FRMD4B: variants seen among roughly 807,000 people sequenced by gnomAD.
FRMD4B encodes FERM domain-containing protein 4B.
FRMD4B carries 74 observed loss-of-function variants against 141.5 expected under a neutral mutation model. That is an observed-to-expected ratio of 0.52 (90% confidence interval 0.43 to 0.63). The LOEUF (loss-of-function observed/expected upper bound fraction) is 0.63. Among genes scored for constraint, FRMD4B ranks in the 30% least tolerant of loss-of-function variants. The pLI, the probability that FRMD4B is intolerant of heterozygous loss-of-function variation, is 0.00. For missense variants in FRMD4B, 1,366 were observed against 1,253.4 expected (o/e 1.09, Z -1.36); for synonymous variants, 506 against 467.9 (o/e 1.08, Z -1.05).
At position 69,225,362 on chromosome 3, in the gene FRMD4B, G is replaced by A. The variant is rs546520036; in HGVS notation, c.582-672C>T. On this transcript the variant is annotated intron_variant, in intron 7 of 22. Coordinates refer to ENST00000398540, the MANE Select transcript of FRMD4B (RefSeq NM_015123.3). ...ATTCTAGTTGTCAAGAGAAAGTTGT[G>A]GTCTTTACAGAACTTTAAAAAAGGG... 2.0e-5 allele frequency among the ~76,000 whole-genome samples: 3 copies of A among 151,850 alleles called. No individual in the cohort carries two copies. In the East Asian group the frequency reaches 5.8e-4, roughly 29 times the overall value.
In FRMD4B at chr3:69,268,087, G is replaced by C. The variant is rs138113579; in HGVS notation, c.502-17988C>G. On this transcript the variant is annotated intron_variant, in intron 5 of 22. Transcript: ENST00000398540. ...TACTTCTCTCCTATTCTGAAGTCTT[G>C]AGTCTCTACTTCATTCCCTCTAAGC... Among the ~76,000 whole-genome samples, 758 of 151,898 alleles carry C rather than the reference G, an allele frequency of 5.0e-3. 17 individuals are homozygous for C. The highest frequency in any genetic ancestry group is 0.012 in the African/African-American group (486 of 41,242).
chr3:69,295,017 C>G (rs1700992836), intron 4 of FRMD4B, among the ~76,000 whole-genome samples: 1 of 152,132 alleles, frequency 6.6e-6, no homozygotes, highest in African/African-American at 2.4e-5. Flanking sequence ...GAATGTTTCG[C>G]CCACTGAACA....
At chr3:69,500,841 G>A (rs1180185177) in intron 1 of FRMD4B, among the ~76,000 whole-genome samples, 1 of 152,158 alleles carries the variant, frequency 6.6e-6, no homozygotes. Context: ...AAGGGAAGAG[G>A]ATGAATCAAG....
intron 2 of FRMD4B, among the ~76,000 whole-genome samples, chr3:69,425,548 C>A (rs1319047919): frequency 6.6e-6 from 1 of 152,180 alleles, no homozygotes; most frequent in Non-Finnish European, 1.5e-5. Flanking sequence ...AATCGATCTG[C>A]AATTCAATAA....
chr3:69,505,788 T>C lies in FRMD4B; in HGVS notation c.-129+36418A>G, dbSNP rs149385495. Among the ~76,000 whole-genome samples the C allele has an allele frequency of 3.8e-4, 58 of 152,326 alleles. 2 individuals carry two copies. The highest frequency in any genetic ancestry group is 1.1e-3 in the African/African-American group (46 of 41,568). The stretch of plus-strand genomic sequence containing the variant: ...TGTGGATTTTAATCCAACATAGCTG[T>C]TAAACTCTTGGGGTGGCCTCCTGGG... On this transcript the variant is annotated intron_variant, in intron 1 of 5. Coordinates refer to the FRMD4B transcript ENST00000459638.
Position 69,383,957 on chromosome 3 carries a change from A to ATT in FRMD4B, c.162+1869_162+1870dup, listed in dbSNP as rs201715858. On this transcript the variant is annotated intron_variant, in intron 1 of 22. Transcript: ENST00000398540. Reference sequence around the variant, plus strand: ...AGTTAAAAATAAGGAGTGGGGACTTATTTTTTTTTTATTTTTTATTTTTTT... The same window carrying ATT: ...AGTTAAAAATAAGGAGTGGGGACTTATTTTTTTTTTTTATTTTTTATTTTTTT... Among the ~76,000 whole-genome samples the ATT allele has an allele frequency of 9.4e-5, 14 of 149,064 alleles. No homozygotes were observed. In the East Asian group the frequency reaches 2.6e-3, roughly 27 times the overall value.
At chr3:69,267,117 G>T (rs1365817897) in intron 5 of FRMD4B, among the ~76,000 whole-genome samples, 1 of 152,214 alleles carries the variant, frequency 6.6e-6, no homozygotes, top group Non-Finnish European at 1.5e-5. Flanking sequence ...AGGACAGGGT[G>T]TAGGTTTCTG....
chr3:69,172,338 T>C (rs1443143993), intron 22 of FRMD4B, among the ~76,000 whole-genome samples: 4 of 152,216 alleles, frequency 2.6e-5, no homozygotes, highest in Non-Finnish European at 5.9e-5. Flanking sequence ...ACAGTTTTAT[T>C]GAACTATAGG....
At position 69,169,404 on chromosome 3, in the gene FRMD4B, C is replaced by T. The variant is rs1020158583; in HGVS notation, c.*2457G>A. 7.4e-6 allele frequency among the ~76,000 whole-genome samples: 1 copy of T among 135,050 alleles called. No individual in the cohort carries two copies. Among genetic ancestry groups the T allele is most frequent in the Non-Finnish European group, 1.5e-5 (1 of 65,408 alleles). The allele number at this position is 135,050 out of a possible 152,430, so 88.6% of individuals were successfully genotyped here. A position where few individuals can be genotyped will look rare whatever the true frequency, so the allele number is the denominator to read the frequency against. The stretch of plus-strand genomic sequence containing the variant: ...GAGACAAGGTCTGTTATTGCCTAGG[C>T]TGGAATGCAGTGGCACGATCCTGGC... On this transcript the variant is annotated 3_prime_UTR_variant, in exon 23 of 23. Transcript: ENST00000398540.
rs1299921833 is a variant in FRMD4B, at chr3:69,383,807, A to G, written c.162+2021T>C. ...ACTCCTGGGCTCAAGTGATCCTCTC[A>G]CTTCAGCCTCCCAAAATGTTGGGAT... is the stretch of plus-strand genomic sequence containing the variant. On this transcript the variant is annotated intron_variant, in intron 1 of 22. Coordinates refer to ENST00000398540, the MANE Select transcript of FRMD4B (RefSeq NM_015123.3). 2.6e-5 allele frequency among the ~76,000 whole-genome samples: 4 copies of G among 152,026 alleles called. No individual in the cohort carries two copies. In the East Asian group the frequency reaches 7.7e-4, roughly 29 times the overall value.
intron 1 of FRMD4B, among the ~76,000 whole-genome samples, chr3:69,540,875 A>G (rs1701172396): frequency 6.6e-6 from 1 of 151,920 alleles, no homozygotes; most frequent in South Asian, 2.1e-4. Context: ...TAGGTTTACC[A>G]CTTCATGGAT....
At chr3:69,307,105 C>T (rs1240104334) in intron 3 of FRMD4B, among the ~76,000 whole-genome samples, 1 of 152,098 alleles carries the variant, frequency 6.6e-6, no homozygotes, top group Admixed American at 6.5e-5. Flanking sequence ...CCTCCCCAAA[C>T]TGGTCATAAT....
intron 1 of FRMD4B, among the ~76,000 whole-genome samples, chr3:69,376,005 T>C (rs1397803278): frequency 6.6e-6 from 1 of 152,080 alleles, no homozygotes; most frequent in Non-Finnish European, 1.5e-5. Context: ...GGATTGAAAA[T>C]GAATTTAGAG....
At chr3:69,241,833 C>T (rs982294484) in intron 7 of FRMD4B, among the ~76,000 whole-genome samples, 2 of 152,052 alleles carry the variant, frequency 1.3e-5, no homozygotes, top group East Asian at 1.9e-4. Flanking sequence ...TGCACCACTG[C>T]ACTCCAGCCT....
intron 2 of FRMD4B, among the ~76,000 whole-genome samples, 152 bp from the exon 3 acceptor site, chr3:69,311,509 T>C (rs995978793): frequency 1.3e-5 from 2 of 152,200 alleles, no homozygotes; most frequent in South Asian, 2.1e-4. Flanking sequence ...TGATGTACTA[T>C]AGACAATTCT....
chr3:69,508,311 C>G (rs147104023), intron 1 of FRMD4B, among the ~76,000 whole-genome samples: 1 of 152,078 alleles, frequency 6.6e-6, no homozygotes, highest in Non-Finnish European at 1.5e-5. Context: ...GAAAGAAGTG[C>G]TCCTATATTT....
chr3:69,512,231 T>C (rs1706700822), intron 1 of FRMD4B, among the ~76,000 whole-genome samples: 1 of 152,212 alleles, frequency 6.6e-6, no homozygotes, highest in Admixed American at 6.5e-5. Flanking sequence ...GGAAAAACCC[T>C]ACATACATAG....
chr3:69,427,936 G>A (rs926964873), intron 2 of FRMD4B, among the ~76,000 whole-genome samples: 2 of 151,846 alleles, frequency 1.3e-5, no homozygotes, highest in Non-Finnish European at 2.9e-5. Context: ...GATTACAGGC[G>A]GCGTGAGCCA....
At chr3:69,222,581 G>C (rs1027265129) in intron 8 of FRMD4B, among the ~76,000 whole-genome samples, 1 of 151,912 alleles carries the variant, frequency 6.6e-6, no homozygotes, top group Non-Finnish European at 1.5e-5. Flanking sequence ...AGGCCAGCCT[G>C]GCCAACATGG....
Sources: allele counts gnomAD v4.1 joint callset (sites outside exome capture counted in the v4.1 genomes callset), GRCh38; gene constraint gnomAD v4.1.1; transcripts MANE v1.5; gene names NCBI Gene and HGNC (gene_info 2026-07-23, HGNC 2026-07-21).